Variants in PCSK6 observed in about 807,000 individuals in gnomAD.
PCSK6 encodes the protein proprotein convertase subtilisin/kexin type 6.
PCSK6 carries 85 observed loss-of-function variants against 123.3 expected under a neutral mutation model. The observed-to-expected ratio is 0.69, with a 90% CI of 0.58 to 0.83. PCSK6 has a LOEUF of 0.83. Ranked by LOEUF, PCSK6 falls within the 40% of genes least tolerant of loss-of-function variation. PCSK6 has a pLI of 0.00. For missense variants in PCSK6, 1,191 were observed against 1,282.3 expected (o/e 0.93, Z 1.09); for synonymous variants, 508 against 516.0 (o/e 0.98, Z 0.21).
At chr15:101,344,440 C>T (rs1020823610) in intron 13 of PCSK6, among the ~76,000 whole-genome samples, 4 of 152,160 alleles carry the variant, frequency 2.6e-5, no homozygotes, top group South Asian at 2.1e-4. Context: ...GCTCCAATAA[C>T]GCTTTTTGCC....
intron 13 of PCSK6, among the ~76,000 whole-genome samples, chr15:101,352,949 C>T (rs905351902): frequency 1.3e-5 from 2 of 152,186 alleles, no homozygotes; most frequent in Non-Finnish European, 2.9e-5. Context: ...TGTTCTACTG[C>T]AGTGGTTCCC....
At chr15:101,400,050 G>A (rs537373384) in intron 6 of PCSK6, among the ~76,000 whole-genome samples, 2 of 151,994 alleles carry the variant, frequency 1.3e-5, no homozygotes, top group African/African-American at 4.8e-5. Flanking sequence ...TACAGATGGG[G>A]TCTCACTCTG....
intron 1 of PCSK6, among the ~76,000 whole-genome samples, chr15:101,458,118 A>G (rs2057237823): frequency 6.6e-6 from 1 of 152,186 alleles, no homozygotes; most frequent in Non-Finnish European, 1.5e-5. Context: ...AGAGGTCTCC[A>G]TGGCTGTTCT....
intron 15 of PCSK6, among the ~76,000 whole-genome samples, chr15:101,331,286 T>C (rs1334155666): frequency 6.6e-6 from 1 of 152,234 alleles, no homozygotes; most frequent in Non-Finnish European, 1.5e-5. Context: ...TTTCAAGGCA[T>C]CTGTGAAGCA....
At chr15:101,376,624 C>T (rs935476937) in intron 11 of PCSK6, among the ~76,000 whole-genome samples, 9 of 152,194 alleles carry the variant, frequency 5.9e-5, no homozygotes, top group Non-Finnish European at 1.2e-4. Context: ...GGAGAATCAA[C>T]TGTATTCAAA....
At position 101,436,022 on chromosome 15, in the gene PCSK6, G is replaced by A. The variant is rs191328541; in HGVS notation, c.403-3922C>T. 5.9e-5 allele frequency among the ~76,000 whole-genome samples: 9 copies of A among 152,256 alleles called. No individual in the cohort carries two copies. The East Asian group carries it at 1.4e-3, about 23-fold the overall frequency. ...CATATCATTCCCAGGTGTGACAAGC[G>A]ACAGGGGAGGGTGTTTTGAAACTTT... On this transcript the variant is annotated intron_variant, in intron 2 of 21. Transcript: ENST00000611716.
intron 1 of PCSK6, among the ~76,000 whole-genome samples, chr15:101,486,691 C>G (rs1302965918): frequency 6.6e-6 from 1 of 152,172 alleles, no homozygotes; most frequent in Non-Finnish European, 1.5e-5. Flanking sequence ...AACCACCAGT[C>G]TAAATTACCT....
At chr15:101,351,924 A>G (rs1459094182) in intron 13 of PCSK6, among the ~76,000 whole-genome samples, 1 of 152,156 alleles carries the variant, frequency 6.6e-6, no homozygotes, top group Non-Finnish European at 1.5e-5. Flanking sequence ...GTGAGGTCAG[A>G]ACACAGCACG....
intron 6 of PCSK6, among the ~76,000 whole-genome samples, chr15:101,418,520 ATTTT>A (rs749644480): frequency 7.3e-6 from 1 of 136,564 alleles, no homozygotes; most frequent in Non-Finnish European, 1.6e-5. Flanking sequence ...CCAATTTAGG[ATTTT>A]TTTTTTTTTT....
In PCSK6 at chr15:101,429,763, G is replaced by A. The variant is rs747419593; in HGVS notation, c.734+224C>T. ...GTCAAACACCCATTTCTAGCTGCCCGGCAGCGGTGACACCCCAGAGGAACA... is the reference window on the plus strand; with the variant it reads ...GTCAAACACCCATTTCTAGCTGCCCAGCAGCGGTGACACCCCAGAGGAACA... On this transcript the variant is annotated intron_variant, in intron 5 of 21. Coordinates refer to ENST00000611716, the MANE Select transcript of PCSK6 (RefSeq NM_002570.5). Among the ~76,000 whole-genome samples the A allele has an allele frequency of 4.6e-4, 70 of 152,340 alleles. 1 individual carries two copies. In the Middle Eastern group the frequency reaches 0.01, roughly 22 times the overall value.
At chr15:101,393,871 A>G (rs1405122550) in intron 7 of PCSK6, among the ~76,000 whole-genome samples, 2 of 152,350 alleles carry the variant, frequency 1.3e-5, no homozygotes, top group African/African-American at 4.8e-5. Flanking sequence ...CTGGTGGGGA[A>G]AAGAATGATT....
chr15:101,470,742 G>C (rs568769021), intron 1 of PCSK6, among the ~76,000 whole-genome samples: 1 of 152,284 alleles, frequency 6.6e-6, no homozygotes, highest in South Asian at 2.1e-4. Context: ...CCCACAAGGA[G>C]TCTGACCGCT....
intron 13 of PCSK6, among the ~76,000 whole-genome samples, chr15:101,333,117 C>G (rs1467564446): frequency 6.6e-6 from 1 of 152,184 alleles, no homozygotes; most frequent in East Asian, 1.9e-4. Context: ...TGCAGGCCGA[C>G]TCTGCTGCTG....
chr15:101,440,821 G>GT (rs2056735243), intron 2 of PCSK6, among the ~76,000 whole-genome samples: 1 of 152,212 alleles, frequency 6.6e-6, no homozygotes, highest in South Asian at 2.1e-4. Flanking sequence ...ATTTCACCAA[G>GT]TGTTTAATTG....
chr15:101,409,048 T>C (rs3825899), intron 6 of PCSK6, among the ~76,000 whole-genome samples: 43,592 of 152,136 alleles, frequency 0.29, 6,647 homozygotes, highest in Middle Eastern at 0.37. Context: ...GGAGCTTTTC[T>C]GTTTGTCAGG....
In PCSK6 at chr15:101,314,655, G is replaced by A. The variant is rs3784516; in HGVS notation, c.2570-1150C>T. 7.5e-3 allele frequency among the ~76,000 whole-genome samples: 1,144 copies of A among 152,304 alleles called. 46 individuals are homozygous for A. In the East Asian group the frequency reaches 0.097, roughly 13 times the overall value. ...CTCAGAACCACAGCCGTAAGCCTGG[G>A]AGGGAATTCTGAGCTCCTGCAGGAG... On this transcript the variant is annotated intron_variant, in intron 19 of 21. Transcript: ENST00000611716.
At chr15:101,460,834 T>A (rs570418946) in intron 1 of PCSK6, among the ~76,000 whole-genome samples, 1 of 152,180 alleles carries the variant, frequency 6.6e-6, no homozygotes, top group East Asian at 1.9e-4. Context: ...GATAAAAAAA[T>A]ACTTAGAATG....
intron 6 of PCSK6, among the ~76,000 whole-genome samples, chr15:101,424,593 T>C (rs2056191827): frequency 1.3e-5 from 2 of 151,364 alleles, no homozygotes; most frequent in African/African-American, 2.4e-5. Context: ...CTAGAAAAAG[T>C]AAGGAAGACC....
intron 8 of PCSK6, among the ~76,000 whole-genome samples, chr15:101,392,649 C>A (rs552001522): frequency 7.8e-6 from 1 of 128,308 alleles, no homozygotes; most frequent in South Asian, 2.4e-4. Flanking sequence ...AGCACAAATT[C>A]TACCTGAGTA....
Sources: allele counts gnomAD v4.1 joint callset (sites outside exome capture counted in the v4.1 genomes callset), GRCh38; gene constraint gnomAD v4.1.1; transcripts MANE v1.5; gene names NCBI Gene and HGNC (gene_info 2026-07-23, HGNC 2026-07-21).